CHAF1A: variants seen among roughly 807,000 people sequenced by gnomAD.
The protein encoded by CHAF1A is CAF-1 subunit A.
In CHAF1A, 5 loss-of-function variants were observed where a neutral mutation model predicts 93.2. That is an observed-to-expected ratio of 0.05 (90% CI 0.03 to 0.11). The LOEUF (loss-of-function observed/expected upper bound fraction) is 0.11. CHAF1A is among the 10% of genes least tolerant of loss of function. The pLI is 1.00. For synonymous variants in CHAF1A, 504 were observed against 510.3 expected (o/e 0.99, Z 0.17); for missense variants, 1,102 against 1,259.9 (o/e 0.87, Z 1.90).
chr19:4,419,280 A>G (rs903748136), intron 4 of CHAF1A, among the ~76,000 whole-genome samples: 1 of 152,228 alleles, frequency 6.6e-6, no homozygotes, highest in Admixed American at 6.5e-5. Context: ...GGCTTTGCCT[A>G]TGCAGTGCCA....
intron 3 of CHAF1A, among the ~76,000 whole-genome samples, chr19:4,409,985 C>T (rs1035577543): frequency 6.6e-6 from 1 of 152,236 alleles, no homozygotes; most frequent in African/African-American, 2.4e-5. Context: ...ACCTGGTGTA[C>T]TGTGTGAATA....
chr19:4,447,205 C>G, downstream of CHAF1A: 1 of 579,988 alleles, frequency 1.7e-6, no homozygotes, highest in Non-Finnish European at 3.1e-6. Context: ...CTAACACCGC[C>G]CAGGACCCCA....
At chr19:4,423,659 G>T in intron 6 of CHAF1A, 147 bp from the exon 7 acceptor site, 1 of 951,056 alleles carries the variant, frequency 1.1e-6, no homozygotes, top group South Asian at 1.6e-5. Flanking sequence ...CTCAGTTGCG[G>T]GTCCGTGGGT....
Position 4,443,266 on chromosome 19 carries a change from C to G in CHAF1A, c.*241C>G, listed in dbSNP as rs536039759. 2.9e-4 allele frequency: 143 copies of G among 497,950 alleles called. 1 individual carries two copies. In the Middle Eastern group the frequency reaches 3.7e-3, roughly 13 times the overall value. The allele number at this position is 497,950 out of a possible 1,614,324, so 30.8% of individuals were successfully genotyped here. Reference sequence around the variant, plus strand: ...TGAGATTGCTGGCCTATTGGGGAAGCCTGCGGGCACAGGAGCAGGCGTGGA... The same window carrying G: ...TGAGATTGCTGGCCTATTGGGGAAGGCTGCGGGCACAGGAGCAGGCGTGGA... On this transcript the variant is annotated 3_prime_UTR_variant, in exon 15 of 15. Coordinates refer to ENST00000301280, the MANE Select transcript of CHAF1A (RefSeq NM_005483.3).
At chr19:4,414,343 G>C (rs368181519) in intron 3 of CHAF1A, among the ~76,000 whole-genome samples, 136 of 150,986 alleles carry the variant, frequency 9.0e-4, no homozygotes, top group Middle Eastern at 3.4e-3. Context: ...AGAGGTTGCG[G>C]TGAGTCATGA....
chr19:4,443,039 G>C lies in CHAF1A; in HGVS notation c.*14G>C, dbSNP rs748912080. The C allele has an allele frequency of 6.6e-7, 1 of 1,510,840 alleles. No homozygotes were observed. 93.6% of individuals were successfully genotyped at this position (1,510,840 alleles called of 1,614,324 possible). A position where few individuals can be genotyped will look rare whatever the true frequency, so the allele number is the denominator to read the frequency against. On this transcript the variant is annotated 3_prime_UTR_variant, in exon 15 of 15. Coordinates refer to ENST00000301280, the MANE Select transcript of CHAF1A (RefSeq NM_005483.3). ...GGTGCATCCTGAGAGCAGGGGTGAC[G>C]TATGTAGAATGCTTAGGGTGTCCTC... is the stretch of plus-strand genomic sequence containing the variant.
At chr19:4,409,913 AC>A (rs1279493839) in intron 3 of CHAF1A, among the ~76,000 whole-genome samples, 154 bp downstream of exon 3, 1 of 151,962 alleles carries the variant, frequency 6.6e-6, no homozygotes, top group Non-Finnish European at 1.5e-5. Context: ...TGGTATCAAA[AC>A]TCACAGTGTT....
chr19:4,429,306 A>T, intron 8 of CHAF1A, 132 bp from the exon 9 acceptor site: 2 of 1,014,222 alleles, frequency 2.0e-6, no homozygotes, highest in Non-Finnish European at 2.9e-6. Context: ...CTTTGGGGAC[A>T]GGCAGTGCTG....
intron 2 of CHAF1A, among the ~76,000 whole-genome samples, chr19:4,407,141 C>A (rs1698657685): frequency 6.6e-6 from 1 of 151,946 alleles, no homozygotes; most frequent in Admixed American, 6.6e-5. Context: ...ATTGTTTGAA[C>A]CCGGAAGGAA....
At chr19:4,446,686 G>C (rs200629893), downstream of CHAF1A, 79 of 1,611,248 alleles carry the variant, frequency 4.9e-5, no homozygotes, top group Non-Finnish European at 6.6e-5. Context: ...GGCCAAGGTG[G>C]TCTCGCTCAG....
chr19:4,403,020 A>G (rs243338), intron 1 of CHAF1A, among the ~76,000 whole-genome samples: 53,536 of 152,082 alleles, frequency 0.35, 9,860 homozygotes, highest in East Asian at 0.59. Flanking sequence ...AGCCGCGACC[A>G]TATTGTTTGT....
At chr19:4,427,473 C>G (rs1363710737) in intron 7 of CHAF1A, among the ~76,000 whole-genome samples, 1 of 145,580 alleles carries the variant, frequency 6.9e-6, no homozygotes, top group Non-Finnish European at 1.5e-5. Flanking sequence ...AGTACAGTGG[C>G]GTGATCTGGG....
At chr19:4,440,999 TAAAAAA>T (rs71166997) in intron 13 of CHAF1A, among the ~76,000 whole-genome samples, 1 of 132,714 alleles carries the variant, frequency 7.5e-6, no homozygotes, top group Non-Finnish European at 1.6e-5. Flanking sequence ...GGGCACCTGT[TAAAAAA>T]AAAAAAAAAG....
At chr19:4,431,923 A>G in intron 11 of CHAF1A, 29 bp from the exon 12 acceptor site, 1 of 1,577,656 alleles carries the variant, frequency 6.3e-7, no homozygotes, top group Non-Finnish European at 8.6e-7. Context: ...CAAGAACCCC[A>G]AATAAACTTC....
At position 4,429,688 on chromosome 19, in the gene CHAF1A, C is replaced by T; in HGVS notation, c.1774-20C>T. The T allele has an allele frequency of 6.2e-7, 1 of 1,613,930 alleles. No individual in the cohort carries two copies. Among genetic ancestry groups the T allele is most frequent in the Non-Finnish European group, 8.5e-7 (1 of 1,179,898 alleles). ...CCAGCCCCAAAGACAGTTGTGAGTCCCATGTGTTTCTTTTCTCAGAAGCTC... is the reference window on the plus strand; with the variant it reads ...CCAGCCCCAAAGACAGTTGTGAGTCTCATGTGTTTCTTTTCTCAGAAGCTC... On this transcript the variant is annotated intron_variant, in intron 9 of 14. Coordinates refer to ENST00000301280, the MANE Select transcript of CHAF1A (RefSeq NM_005483.3).
At chr19:4,417,969 C>A in intron 3 of CHAF1A, 51 bp from the exon 4 acceptor site, 1 of 1,338,276 alleles carries the variant, frequency 7.5e-7, no homozygotes, top group Non-Finnish European at 1.0e-6. Context: ...CTCTTTTTCT[C>A]GAAGCAATTG....
In CHAF1A at chr19:4,432,072, T is replaced by C. The variant is rs774303475; in HGVS notation, c.2068T>C (p.Trp690Arg). The change falls in exon 12 of 15, where the codon TGG (tryptophan) becomes CGG (arginine). Residue 690 changes from tryptophan (W) to arginine (R), a missense_variant. Trp to Arg is a moderately radical substitution (Grantham distance 101, BLOSUM62 -3). This residue lies in a region of CHAF1A where 335 missense variants were observed against 361.9 expected (regional missense o/e 0.93). Transcript: ENST00000301280. ...VLQPVKIGCV[W>R]AADRDCAGDD... ...GCAACCTGTGAAGATCGGCTGCGTG[T>C]GGGCGGCTGACAGAGACTGCGCAGG... 1 of 1,614,032 alleles carries C rather than the reference T, an allele frequency of 6.2e-7. No individual in the cohort carries two copies. Among genetic ancestry groups the C allele is most frequent in the Admixed American group, 1.7e-5 (1 of 60,012 alleles).
In CHAF1A at chr19:4,409,295, A is replaced by G. The variant is rs1160252829; in HGVS notation, c.496A>G (p.Asn166Asp). ...GCAGGGGTTGTTGAAGGCCATTCAG[A>G]ACGACAAGTTGGCATTTCCTGGAGA... is the stretch of plus-strand genomic sequence containing the variant. ...DQQGLLKAIQ[N>D]DKLAFPGETL... is the part of the protein sequence containing the mutation. Residue 166 changes from asparagine to aspartate, a missense_variant, in exon 3 of 15, where the codon AAC becomes GAC. Asn to Asp is a conservative substitution (Grantham distance 23). Transcript: ENST00000301280. 6.2e-7 allele frequency: 1 copy of G among 1,614,112 alleles called. No individual in the cohort carries two copies.
At chr19:4,448,512 C>T, downstream of CHAF1A, 1 of 1,036,456 alleles carries the variant, frequency 9.6e-7, no homozygotes. Flanking sequence ...GAAGGCAGAA[C>T]AGCGGCTTGG....
Sources: allele counts gnomAD v4.1 joint callset (sites outside exome capture counted in the v4.1 genomes callset), GRCh38; gene constraint gnomAD v4.1.1; regional missense constraint gnomAD v4.1.1; transcripts MANE v1.5; gene names NCBI Gene and HGNC (gene_info 2026-07-23, HGNC 2026-07-21).